Variants in PALM2AKAP2 observed in about 807,000 individuals in gnomAD.
The protein encoded by PALM2AKAP2 is PALM2-AKAP2 fusion protein.
Under a neutral mutation model 71.5 loss-of-function variants are expected in PALM2AKAP2, and 37 were observed. The observed-to-expected ratio is 0.52, with a 90% CI of 0.40 to 0.68. PALM2AKAP2 has a LOEUF of 0.68. Among genes scored for constraint, PALM2AKAP2 ranks in the 30% least tolerant of loss-of-function variants. The probability of loss-of-function intolerance (pLI) is 0.00; values close to 1 mark genes in which losing one functional copy is unlikely to be tolerated. For synonymous variants in PALM2AKAP2, 468 were observed against 478.8 expected, an observed-to-expected ratio of 0.98 and a Z score of 0.29; for missense variants, 1,224 against 1,191.8, an observed-to-expected ratio of 1.03 and a Z score of -0.40.
rs183167238 is a variant in PALM2AKAP2, at chr9:109,679,017, A to G, written c.5+38151A>G. 1.2e-3 allele frequency among the ~76,000 whole-genome samples: 179 copies of G among 152,272 alleles called. 1 individual carries two copies. Among genetic ancestry groups the G allele is most frequent in the African/African-American group, 4.0e-3 (168 of 41,552 alleles). On this transcript the variant is annotated intron_variant, in intron 1 of 6. Transcript: ENST00000374531. ...ATGCCCTGGTAGACCCTTGTCTTTG[A>G]ATAATTATTTTAGAAATCTTCATGC...
chr9:109,785,593 A>T (rs925321616), intron 1 of PALM2AKAP2, among the ~76,000 whole-genome samples: 2 of 152,244 alleles, frequency 1.3e-5, no homozygotes, highest in Admixed American at 1.3e-4. Context: ...GGTGAAAGGC[A>T]CATCTCACAT....
intron 6 of PALM2AKAP2, among the ~76,000 whole-genome samples, chr9:110,000,361 T>C (rs1203110058): frequency 6.6e-6 from 1 of 152,160 alleles, no homozygotes; most frequent in South Asian, 2.1e-4. Context: ...TTTATGGCTG[T>C]ATAGTATTCC....
At chr9:109,945,309 A>G (rs1057235373) in intron 6 of PALM2AKAP2, 1 of 152,212 alleles carries the variant, frequency 6.6e-6, no homozygotes, top group African/African-American at 2.4e-5. Flanking sequence ...TAAAGGAGCT[A>G]AGTTCTGCTG....
At chr9:109,698,847 C>G (rs981128063) in intron 1 of PALM2AKAP2, among the ~76,000 whole-genome samples, 2 of 152,274 alleles carry the variant, frequency 1.3e-5, no homozygotes, top group South Asian at 2.1e-4. Flanking sequence ...AATATAGTAT[C>G]TAGCCTTGAG....
intron 1 of PALM2AKAP2, among the ~76,000 whole-genome samples, chr9:109,809,495 C>G (rs1337966267): frequency 6.6e-6 from 1 of 152,210 alleles, no homozygotes. Context: ...TACCTAATGC[C>G]TGTACCCCCA....
At chr9:109,923,760 G>A in exon 4 of PALM2AKAP2, 2 of 1,600,778 alleles carry the variant, frequency 1.2e-6, no homozygotes, top group Non-Finnish European at 1.7e-6. Context: ...ACAAACGCTA[G>A]AAAGTGAAGA....
intron 1 of PALM2AKAP2, among the ~76,000 whole-genome samples, chr9:109,690,275 A>T (rs1827864486): frequency 6.6e-6 from 1 of 152,208 alleles, no homozygotes; most frequent in East Asian, 1.9e-4. Flanking sequence ...TCTTGAAAGA[A>T]ATCAGCTGTA....
intron 2 of PALM2AKAP2, among the ~76,000 whole-genome samples, chr9:109,876,737 C>A (rs1031928481): frequency 6.6e-6 from 1 of 152,228 alleles, no homozygotes; most frequent in African/African-American, 2.4e-5. Flanking sequence ...GCCTTGGCCT[C>A]CCAAAGTGCT....
chr9:109,997,694 A>G (rs1246320099), intron 6 of PALM2AKAP2, among the ~76,000 whole-genome samples: 1 of 152,076 alleles, frequency 6.6e-6, no homozygotes, highest in African/African-American at 2.4e-5. Flanking sequence ...CAGAAGAGGG[A>G]GAGGGAATTG....
chr9:110,103,133 C>T (rs1373288503), intron 1 of PALM2AKAP2, among the ~76,000 whole-genome samples: 2 of 152,198 alleles, frequency 1.3e-5, no homozygotes, highest in Non-Finnish European at 2.9e-5. Context: ...GTAGCCCAAA[C>T]TCTCCTATTG....
At chr9:109,661,962 CTGTT>C (rs1378822001) in intron 1 of PALM2AKAP2, among the ~76,000 whole-genome samples, 3 of 152,088 alleles carry the variant, frequency 2.0e-5, no homozygotes, top group Non-Finnish European at 2.9e-5. Flanking sequence ...ATTTGGCTCT[CTGTT>C]TGTCTGTTAA....
intron 1 of PALM2AKAP2, among the ~76,000 whole-genome samples, chr9:109,842,578 A>C (rs1455044055): frequency 6.6e-6 from 1 of 152,218 alleles, no homozygotes; most frequent in African/African-American, 2.4e-5. Context: ...ATAATGAACA[A>C]TATCCACATA....
intron 2 of PALM2AKAP2, among the ~76,000 whole-genome samples, chr9:110,149,046 C>T (rs533475859): frequency 3.3e-4 from 50 of 152,296 alleles, no homozygotes; most frequent in African/African-American, 8.7e-4. Flanking sequence ...CAGCACGGCT[C>T]GCCACAGATG....
At chr9:109,882,605 G>A (rs182475751) in intron 3 of PALM2AKAP2, among the ~76,000 whole-genome samples, 230 of 152,144 alleles carry the variant, frequency 1.5e-3, no homozygotes, top group Middle Eastern at 6.8e-3. Flanking sequence ...TGGAAAATAG[G>A]ATAAAATTAG....
chr9:109,913,662 A>G (rs1293836643), intron 3 of PALM2AKAP2, among the ~76,000 whole-genome samples: 5 of 152,120 alleles, frequency 3.3e-5, no homozygotes, highest in Non-Finnish European at 7.4e-5. Context: ...AAATTCAACA[A>G]TATGTGGTAA....
At chr9:109,861,763 A>G (rs1829316926) in intron 1 of PALM2AKAP2, among the ~76,000 whole-genome samples, 1 of 152,212 alleles carries the variant, frequency 6.6e-6, no homozygotes, top group Non-Finnish European at 1.5e-5. Context: ...GCATAGCAAC[A>G]GTAATTTATT....
intron 4 of PALM2AKAP2, among the ~76,000 whole-genome samples, chr9:109,924,384 G>A (rs967782670): frequency 6.6e-6 from 1 of 152,048 alleles, no homozygotes; most frequent in Non-Finnish European, 1.5e-5. Context: ...GGATCACGAG[G>A]TCAGGAGATC....
Position 110,156,302 on chromosome 9 carries a change from T to C in PALM2AKAP2, c.2570-17T>C. 1 of 1,550,232 alleles carries C rather than the reference T, an allele frequency of 6.5e-7. No individual in the cohort carries two copies. Among genetic ancestry groups the C allele is most frequent in the Non-Finnish European group, 8.7e-7 (1 of 1,148,878 alleles). ...GCAGACAAGCTTAGAAAGGGTATTT[T>C]CTTCGTGTTGTTTCAGGGAAAATAG... On this transcript the variant is annotated splice_polypyrimidine_tract_variant and intron_variant, in intron 2 of 3. Coordinates refer to ENST00000374525, the Ensembl canonical transcript of PALM2AKAP2.
chr9:109,807,519 A>ATC (rs1827610454), intron 1 of PALM2AKAP2, among the ~76,000 whole-genome samples: 1 of 149,176 alleles, frequency 6.7e-6, no homozygotes, highest in Non-Finnish European at 1.5e-5. Context: ...CTATATATAT[A>ATC]TGTTCACATG....
Sources: gnomAD v4.1 joint callset for allele counts (sites outside exome capture counted in the v4.1 genomes callset) on GRCh38, gnomAD v4.1.1 for gene constraint, MANE v1.5 for transcripts, NCBI Gene and HGNC (gene_info 2026-07-23, HGNC 2026-07-21) for gene names.